Variants in CFAP61 observed in about 807,000 individuals in gnomAD.
CFAP61 encodes the protein cilia- and flagella-associated protein 61.
A neutral mutation model predicts 135.6 loss-of-function variants in CFAP61; 107 were observed. That is an observed-to-expected ratio of 0.79 (90% CI 0.67 to 0.93). The LOEUF (loss-of-function observed/expected upper bound fraction) is 0.93, where lower values mean the gene tolerates loss of function less well. Among genes scored for constraint, CFAP61 ranks in the 40% least tolerant of loss-of-function variants. The pLI is 0.00. For synonymous variants in CFAP61, 575 were observed against 578.5 expected (o/e 0.99, Z 0.09); for missense variants, 1,507 against 1,556.2 (o/e 0.97, Z 0.53).
chr20:20,211,905 C>T (rs757135063), intron 17 of CFAP61, among the ~76,000 whole-genome samples: 29 of 152,196 alleles, frequency 1.9e-4, no homozygotes, highest in Non-Finnish European at 4.0e-4. Context: ...CCCCTCCCAC[C>T]GCCCTTCACG....
At chr20:20,083,390 A>C (rs978965480) in intron 6 of CFAP61, among the ~76,000 whole-genome samples, 4 of 152,170 alleles carry the variant, frequency 2.6e-5, no homozygotes, top group Non-Finnish European at 5.9e-5. Flanking sequence ...TATTGGGTAC[A>C]GTGTACACTG....
At chr20:20,214,498 G>T (rs547212778) in intron 17 of CFAP61, 16 of 152,360 alleles carry the variant, frequency 1.1e-4, no homozygotes, top group African/African-American at 3.4e-4. Context: ...GAGGGGCATC[G>T]CAGTGATCTC....
intron 1 of CFAP61, among the ~76,000 whole-genome samples, chr20:20,056,240 G>A (rs1306063955): frequency 6.6e-6 from 1 of 152,178 alleles, no homozygotes; most frequent in East Asian, 1.9e-4. Context: ...AAGAACATAG[G>A]CAGCAGCTGT....
chr20:20,177,435 T>G (rs1460058001), intron 13 of CFAP61, among the ~76,000 whole-genome samples: 1 of 151,986 alleles, frequency 6.6e-6, no homozygotes, highest in Non-Finnish European at 1.5e-5. Context: ...TTTCTTTCCT[T>G]TCTTCCACCC....
chr20:20,237,722 C>T (rs1477941804), intron 18 of CFAP61, among the ~76,000 whole-genome samples: 1 of 152,148 alleles, frequency 6.6e-6, no homozygotes, highest in African/African-American at 2.4e-5. Flanking sequence ...TCAGTTTTCC[C>T]AGTGGTCTTA....
intron 25 of CFAP61, chr20:20,322,643 C>A (rs1262702584): frequency 2.0e-6 from 2 of 982,272 alleles, no homozygotes; most frequent in African/African-American, 3.5e-5. Flanking sequence ...CCCTTCCCTT[C>A]CAGTCCCATG....
chr20:20,301,828 AT>A (rs1448610604), intron 25 of CFAP61, among the ~76,000 whole-genome samples: 14 of 152,316 alleles, frequency 9.2e-5, no homozygotes, highest in African/African-American at 3.4e-4. Flanking sequence ...TGTCAACAAT[AT>A]TCTTAATTTA....
intron 26 of CFAP61, among the ~76,000 whole-genome samples, chr20:20,348,469 T>C (rs2058710246): frequency 1.3e-5 from 2 of 151,946 alleles, no homozygotes; most frequent in Admixed American, 1.3e-4. Flanking sequence ...AGGCAGATCA[T>C]TTGAGATCAG....
chr20:20,259,111 C>G (rs1446537326), intron 20 of CFAP61, among the ~76,000 whole-genome samples: 3 of 152,090 alleles, frequency 2.0e-5, no homozygotes, highest in Admixed American at 6.5e-5. Context: ...GTATTTACAG[C>G]TACAGTCAAA....
chr20:20,243,979 T>C (rs1044256587), intron 18 of CFAP61, among the ~76,000 whole-genome samples: 3 of 152,224 alleles, frequency 2.0e-5, no homozygotes, highest in Non-Finnish European at 4.4e-5. Context: ...AGTCAAATCC[T>C]AAAGCTTCAA....
intron 25 of CFAP61, among the ~76,000 whole-genome samples, chr20:20,339,095 C>T (rs920226918): frequency 6.6e-6 from 1 of 152,200 alleles, no homozygotes; most frequent in African/African-American, 2.4e-5. Context: ...TTGATGCCCA[C>T]GTGCACACAG....
At chr20:20,263,176 T>C in intron 21 of CFAP61, 46 bp downstream of exon 21, 1 of 1,414,260 alleles carries the variant, frequency 7.1e-7, no homozygotes, top group Non-Finnish European at 9.7e-7. Context: ...AGCGTTTTAT[T>C]TTTATAATGA....
intron 8 of CFAP61, among the ~76,000 whole-genome samples, chr20:20,099,783 A>G (rs2047880680): frequency 6.6e-6 from 1 of 152,214 alleles, no homozygotes; most frequent in Non-Finnish European, 1.5e-5. Context: ...AAGATTGTTC[A>G]GAAATGGGGA....
chr20:20,235,855 C>T (rs899092861), intron 18 of CFAP61, among the ~76,000 whole-genome samples: 2 of 152,086 alleles, frequency 1.3e-5, no homozygotes, highest in East Asian at 1.9e-4. Context: ...AGGTGGTCCT[C>T]GTTGCTGGGG....
intron 17 of CFAP61, among the ~76,000 whole-genome samples, chr20:20,206,003 G>A (rs374726020): frequency 6.6e-6 from 1 of 150,850 alleles, no homozygotes; most frequent in Non-Finnish European, 1.5e-5. Flanking sequence ...TGGGGTGGGG[G>A]TTGGGTGGAG....
At chr20:20,200,655 A>C (rs1371710819) in intron 17 of CFAP61, 7 of 979,994 alleles carry the variant, frequency 7.1e-6, no homozygotes, top group South Asian at 9.4e-5. Context: ...AAAATCCCTC[A>C]GTGGGCTAAC....
intron 17 of CFAP61, among the ~76,000 whole-genome samples, chr20:20,220,431 C>G (rs1161234914): frequency 6.6e-6 from 1 of 152,152 alleles, no homozygotes; most frequent in South Asian, 2.1e-4. Flanking sequence ...AGCAAATTAT[C>G]GAACCTAAGC....
At chr20:20,249,397 G>A (rs890377954) in intron 19 of CFAP61, among the ~76,000 whole-genome samples, 29 of 152,174 alleles carry the variant, frequency 1.9e-4, no homozygotes, top group Admixed American at 7.9e-4. Context: ...AAATTAGCCA[G>A]GTATGGTAGC....
chr20:20,057,681 A>AGG (rs2044474984), intron 2 of CFAP61, among the ~76,000 whole-genome samples: 1 of 152,186 alleles, frequency 6.6e-6, no homozygotes. Flanking sequence ...TGGGTGCCAA[A>AGG]ATATAAATAT....
Sources: gnomAD v4.1 joint callset for allele counts (sites outside exome capture counted in the v4.1 genomes callset) on GRCh38, gnomAD v4.1.1 for gene constraint, MANE v1.5 for transcripts, NCBI Gene and HGNC (gene_info 2026-07-23, HGNC 2026-07-21) for gene names.